The following KAZN variants were observed in gnomAD, a reference collection of about 807,000 sequenced individuals.
KAZN encodes the protein kazrin, periplakin interacting protein, also known as kazrin.
Under a neutral mutation model 87.4 loss-of-function variants are expected in KAZN, and 40 were observed. The observed-to-expected ratio is 0.46, with a 90% confidence interval of 0.36 to 0.60. The LOEUF (loss-of-function observed/expected upper bound fraction) is 0.60. Among genes scored for constraint, KAZN ranks in the 20% least tolerant of loss-of-function variants. The pLI is 0.00. For missense variants in KAZN, 898 were observed against 1,073.9 expected (o/e 0.84, Z 2.29); for synonymous variants, 466 against 458.3 (o/e 1.02, Z -0.22).
chr1:14,003,966 C>T (rs1639925744), intron 1 of KAZN, among the ~76,000 whole-genome samples: 1 of 152,000 alleles, frequency 6.6e-6, no homozygotes, highest in African/African-American at 2.4e-5. Flanking sequence ...AAGACATTTG[C>T]AATATATTTG....
At chr1:14,070,167 C>CAAAAAAAAAAAAAAAAAAAAAAAAAAA (rs61327562) in intron 1 of KAZN, among the ~76,000 whole-genome samples, 1 of 72,908 alleles carries the variant, frequency 1.4e-5, no homozygotes, top group Non-Finnish European at 2.6e-5. Flanking sequence ...GACTCCATCT[C>CAAAAAAAAAAAAAAAAAAAAAAAAAAA]AAAAAAAAAA....
chr1:13,924,779 T>C (rs947082213), intron 1 of KAZN, among the ~76,000 whole-genome samples: 2 of 152,300 alleles, frequency 1.3e-5, no homozygotes, highest in Admixed American at 6.5e-5. Context: ...GTCTTATTTT[T>C]CCCCAAAATG....
chr1:13,898,306 C>T (rs1288511315), intron 1 of KAZN, among the ~76,000 whole-genome samples: 2 of 152,204 alleles, frequency 1.3e-5, no homozygotes, highest in African/African-American at 4.8e-5. Flanking sequence ...GGCTGCGTCT[C>T]TGCAGAGGGC....
chr1:14,948,274 T>TGTGATCCAG (rs1274248914), intron 1 of KAZN, among the ~76,000 whole-genome samples: 3 of 152,092 alleles, frequency 2.0e-5, no homozygotes, highest in Non-Finnish European at 4.4e-5. Flanking sequence ...TGGCTTCAGG[T>TGTGATCCAG]GTGGTGTGAT....
chr1:14,313,780 T>C (rs530352997), intron 2 of KAZN, among the ~76,000 whole-genome samples: 1 of 152,262 alleles, frequency 6.6e-6, no homozygotes, highest in Admixed American at 6.5e-5. Context: ...CAAAATCTAA[T>C]TTAATTTTAA....
intron 1 of KAZN, among the ~76,000 whole-genome samples, chr1:14,099,209 G>A (rs1343683142): frequency 4.6e-5 from 7 of 152,120 alleles, no homozygotes; most frequent in Non-Finnish European, 1.0e-4. Context: ...TCTCAGGATG[G>A]CACTCAATCA....
chr1:14,638,758 G>A (rs1680201732), intron 1 of KAZN, among the ~76,000 whole-genome samples: 2 of 151,942 alleles, frequency 1.3e-5, no homozygotes, highest in South Asian at 2.1e-4. Flanking sequence ...CATCTTCACC[G>A]CCACTCTCCC....
chr1:14,633,801 G>A (rs1467549505), intron 1 of KAZN, among the ~76,000 whole-genome samples: 1 of 152,044 alleles, frequency 6.6e-6, no homozygotes, highest in African/African-American at 2.4e-5. Context: ...ATGAAAATAA[G>A]TACCCATTAT....
intron 1 of KAZN, among the ~76,000 whole-genome samples, chr1:14,101,304 A>G (rs889884579): frequency 2.1e-4 from 32 of 152,240 alleles, no homozygotes; most frequent in Admixed American, 7.2e-4. Context: ...ATCATAATAA[A>G]CCAAATTCAC....
Position 14,615,306 on chromosome 1 carries a change from C to T in KAZN, c.226+16083C>T, listed in dbSNP as rs139018972. On this transcript the variant is annotated intron_variant, in intron 1 of 14. Transcript: ENST00000376030. ...GATCCAGAGACCTGGGTTCTAGCCT[C>T]GAGCCTGCAACTAAGAGGCTAAAGA... Among the ~76,000 whole-genome samples, 285 of 152,226 alleles carry T rather than the reference C, an allele frequency of 1.9e-3. 2 individuals are homozygous for T. Among genetic ancestry groups the T allele is most frequent in the Middle Eastern group, 6.8e-3 (2 of 294 alleles).
chr1:14,284,143 T>C (rs960872771), intron 2 of KAZN, among the ~76,000 whole-genome samples: 1 of 150,778 alleles, frequency 6.6e-6, no homozygotes, highest in Non-Finnish European at 1.5e-5. Flanking sequence ...GAGGGGGGAA[T>C]GGGGAGTGAT....
At chr1:14,234,570 G>T (rs1648218779) in intron 2 of KAZN, among the ~76,000 whole-genome samples, 1 of 151,420 alleles carries the variant, frequency 6.6e-6, no homozygotes, top group African/African-American at 2.4e-5. Context: ...AATAATAAAA[G>T]CACACATAGG....
chr1:15,059,190 G>A (rs901148519), intron 5 of KAZN, among the ~76,000 whole-genome samples: 1 of 150,162 alleles, frequency 6.7e-6, no homozygotes, highest in Non-Finnish European at 1.5e-5. Context: ...TCCCTCTTCC[G>A]CCTCCCGAAG....
At chr1:14,072,994 G>A (rs140965948) in intron 1 of KAZN, among the ~76,000 whole-genome samples, 3 of 152,116 alleles carry the variant, frequency 2.0e-5, no homozygotes, top group Admixed American at 6.5e-5. Flanking sequence ...ATCAGGGCTG[G>A]TTCTGAATCT....
intron 1 of KAZN, among the ~76,000 whole-genome samples, chr1:13,938,327 C>A (rs1013106455): frequency 1.3e-5 from 2 of 152,086 alleles, no homozygotes; most frequent in Admixed American, 6.5e-5. Context: ...TCTGCTTGAT[C>A]ATTCCTGGTG....
intron 1 of KAZN, among the ~76,000 whole-genome samples, chr1:14,092,155 A>G (rs1034266209): frequency 4.0e-5 from 6 of 148,586 alleles, no homozygotes; most frequent in Admixed American, 2.7e-4. Flanking sequence ...CAGTGGCGCA[A>G]TCTCAGCTCA....
chr1:14,044,849 G>A (rs1641994230), intron 1 of KAZN, among the ~76,000 whole-genome samples: 1 of 152,194 alleles, frequency 6.6e-6, no homozygotes, highest in Non-Finnish European at 1.5e-5. Context: ...ACAATAAGAT[G>A]TGACAGAAAT....
chr1:14,177,727 G>T (rs1330496258), intron 1 of KAZN, among the ~76,000 whole-genome samples: 1 of 151,434 alleles, frequency 6.6e-6, no homozygotes, highest in African/African-American at 2.4e-5. Flanking sequence ...AGAAAAACTT[G>T]CAGGAGAGAA....
At chr1:14,551,726 G>C (rs1343010336) in intron 2 of KAZN, among the ~76,000 whole-genome samples, 1 of 152,072 alleles carries the variant, frequency 6.6e-6, no homozygotes, top group Non-Finnish European at 1.5e-5. Flanking sequence ...TCCCAACCTG[G>C]TCCCCATGCT....
Sources: allele counts gnomAD v4.1 joint callset (sites outside exome capture counted in the v4.1 genomes callset), GRCh38; gene constraint gnomAD v4.1.1; transcripts MANE v1.5; gene names NCBI Gene and HGNC (gene_info 2026-07-23, HGNC 2026-07-21).